The following SRBD1 variants were observed in gnomAD, a reference collection of about 807,000 sequenced individuals.
SRBD1 encodes the protein S1 RNA-binding domain-containing protein 1.
A neutral mutation model predicts 115.3 loss-of-function variants in SRBD1; 88 were observed. That is an observed-to-expected ratio of 0.76 (90% CI 0.64 to 0.91). SRBD1 has a LOEUF of 0.91. Ranked by LOEUF, SRBD1 falls within the 40% of genes least tolerant of loss-of-function variation. SRBD1 has a pLI of 0.00. For synonymous variants in SRBD1, 509 were observed against 407.7 expected (o/e 1.25, Z -2.99); for missense variants, 1,385 against 1,177.4 (o/e 1.18, Z -2.58).
intron 18 of SRBD1, among the ~76,000 whole-genome samples, chr2:45,414,526 ATAGTGTGTGTACACACATAGTGTCTG>A (rs1332301224): frequency 7.5e-5 from 11 of 147,022 alleles, no homozygotes; most frequent in East Asian, 4.0e-4. Flanking sequence ...TAGTGTGTAT[ATAGTGTGTGTACACACATAGTGTCTG>A]TAGTGTGTGT....
intron 16 of SRBD1, among the ~76,000 whole-genome samples, chr2:45,455,869 G>A (rs1029974605): frequency 1.1e-4 from 16 of 151,806 alleles, no homozygotes; most frequent in African/African-American, 3.6e-4. Flanking sequence ...CTAACCCTGT[G>A]CATTTTTGAA....
At chr2:45,397,354 A>C (rs1667175623) in intron 19 of SRBD1, among the ~76,000 whole-genome samples, 1 of 152,214 alleles carries the variant, frequency 6.6e-6, no homozygotes, top group Non-Finnish European at 1.5e-5. Context: ...TTTCTTTAAA[A>C]TTTATTACTA....
intron 16 of SRBD1, among the ~76,000 whole-genome samples, chr2:45,421,789 G>T (rs1486395287): frequency 6.6e-6 from 1 of 152,012 alleles, no homozygotes; most frequent in African/African-American, 2.4e-5. Context: ...CTTTTGTTCT[G>T]GAAGACTGAA....
Position 45,474,022 on chromosome 2 carries a change from A to T in SRBD1, c.2049+2971T>A, listed in dbSNP as rs1437399805. ...AAGGAATTCAACCTTCCAATTCATTAATTTGCTTTTAACCGTGTCCACTCT... is the reference window on the plus strand; with the variant it reads ...AAGGAATTCAACCTTCCAATTCATTTATTTGCTTTTAACCGTGTCCACTCT... On this transcript the variant is annotated intron_variant, in intron 16 of 20. Coordinates refer to ENST00000263736, the MANE Select transcript of SRBD1 (RefSeq NM_018079.5). Among the ~76,000 whole-genome samples, 4 of 152,310 alleles carry T rather than the reference A, an allele frequency of 2.6e-5. No homozygotes were observed. The East Asian group carries it at 7.7e-4, about 29-fold the overall frequency.
chr2:45,562,911 A>T (rs938258300), intron 9 of SRBD1, among the ~76,000 whole-genome samples, 155 bp from the exon 10 acceptor site: 9 of 152,236 alleles, frequency 5.9e-5, no homozygotes, highest in African/African-American at 1.4e-4. Context: ...TTCAAGTAAC[A>T]TACCTCCCAC....
intron 14 of SRBD1, among the ~76,000 whole-genome samples, chr2:45,523,457 G>A (rs990903824): frequency 4.0e-4 from 60 of 151,700 alleles, no homozygotes; most frequent in African/African-American, 1.1e-3. Flanking sequence ...TAGCTAGACT[G>A]ACCAAGAAAA....
chr2:45,608,480 G>A (rs1674342551), intron 1 of SRBD1, among the ~76,000 whole-genome samples: 1 of 152,060 alleles, frequency 6.6e-6, no homozygotes, highest in Non-Finnish European at 1.5e-5. Flanking sequence ...TATTCTTGAG[G>A]CCTGTTTCTC....
At chr2:45,596,362 T>C (rs1673894509) in intron 4 of SRBD1, among the ~76,000 whole-genome samples, 1 of 152,204 alleles carries the variant, frequency 6.6e-6, no homozygotes, top group South Asian at 2.1e-4. Flanking sequence ...AACGCATTAG[T>C]GAACCCAGAT....
At chr2:45,606,129 T>C (rs1321464356) in intron 1 of SRBD1, among the ~76,000 whole-genome samples, 1 of 150,552 alleles carries the variant, frequency 6.6e-6, no homozygotes, top group African/African-American at 2.4e-5. Flanking sequence ...AAACTATATC[T>C]CAAAGACAGA....
At chr2:45,500,185 G>C (rs2103890111) in intron 14 of SRBD1, among the ~76,000 whole-genome samples, 1 of 148,984 alleles carries the variant, frequency 6.7e-6, no homozygotes. Flanking sequence ...GTATTTTATA[G>C]TTTTCTTTGG....
At chr2:45,589,017 T>A (rs191711707) in intron 4 of SRBD1, among the ~76,000 whole-genome samples, 170 of 152,280 alleles carry the variant, frequency 1.1e-3, no homozygotes, top group African/African-American at 4.0e-3. Context: ...AAACAGAACT[T>A]ATAAAATGTC....
intron 16 of SRBD1, among the ~76,000 whole-genome samples, chr2:45,458,275 A>C (rs1477321830): frequency 1.3e-5 from 2 of 152,096 alleles, no homozygotes; most frequent in African/African-American, 2.4e-5. Context: ...GTGATTAGAA[A>C]ACATTTGTTT....
At chr2:45,549,426 T>A (rs1672221906) in intron 12 of SRBD1, among the ~76,000 whole-genome samples, 1 of 149,676 alleles carries the variant, frequency 6.7e-6, no homozygotes. Flanking sequence ...ACAAAAGAAA[T>A]GCATGATAGT....
intron 16 of SRBD1, among the ~76,000 whole-genome samples, chr2:45,429,625 G>C (rs992181813): frequency 2.0e-5 from 3 of 152,126 alleles, no homozygotes; most frequent in African/African-American, 7.2e-5. Flanking sequence ...TAATAAACTA[G>C]GTATTTATGC....
intron 13 of SRBD1, 144 bp from the exon 14 acceptor site, chr2:45,546,983 G>T: frequency 1.4e-6 from 1 of 733,750 alleles, no homozygotes; most frequent in Non-Finnish European, 2.3e-6. Context: ...TGTTGCATAA[G>T]GAAAACACAG....
At position 45,605,409 on chromosome 2, in the gene SRBD1, C is replaced by G; in HGVS notation, c.33G>C (p.Gln11His). The stretch of plus-strand genomic sequence containing the variant: ...CATCTTTCAGTACCACATCCTGGAC[C>G]TGTACTTTCGCTCTTCTTGGCAATG... MSSLPRRAKV[Q>H]VQDVVLKDEF... Residue 11 changes from glutamine to histidine, a missense_variant, in exon 2 of 21, where the codon CAG (glutamine) becomes CAC (histidine). Transcript: ENST00000263736. 2 of 1,613,744 alleles carry G rather than the reference C, an allele frequency of 1.2e-6. No individual in the cohort carries two copies. Among genetic ancestry groups the G allele is most frequent in the East Asian group, 4.5e-5 (2 of 44,858 alleles).
intron 18 of SRBD1, among the ~76,000 whole-genome samples, chr2:45,415,563 GTA>G (rs1304979253): frequency 7.0e-6 from 1 of 142,278 alleles, no homozygotes; most frequent in Non-Finnish European, 1.5e-5. Flanking sequence ...GTCTGTATAC[GTA>G]TATATAGGTT....
At chr2:45,570,933 C>G (rs149298831) in intron 9 of SRBD1, among the ~76,000 whole-genome samples, 64 of 152,108 alleles carry the variant, frequency 4.2e-4, no homozygotes, top group African/African-American at 1.5e-3. Context: ...ATATATTAGC[C>G]CCAGCCATGA....
chr2:45,471,842 T>C (rs1321011307), intron 16 of SRBD1, among the ~76,000 whole-genome samples: 10 of 152,114 alleles, frequency 6.6e-5, no homozygotes, highest in Non-Finnish European at 1.0e-4. Context: ...TAAATGTATA[T>C]AAATCAAGAA....
Sources: allele counts gnomAD v4.1 joint callset (sites outside exome capture counted in the v4.1 genomes callset), GRCh38; gene constraint gnomAD v4.1.1; transcripts MANE v1.5; gene names NCBI Gene and HGNC (gene_info 2026-07-23, HGNC 2026-07-21).